Variants in BTBD8 observed in about 807,000 individuals in gnomAD.
BTBD8 encodes BTB/POZ domain-containing protein 8.
BTBD8 carries 110 observed loss-of-function variants against 162.9 expected under a neutral mutation model. The ratio of observed to expected loss-of-function variants is 0.68; its 90% CI spans 0.58 to 0.79. BTBD8 has a LOEUF of 0.79. Ranked by LOEUF, BTBD8 falls within the 30% of genes least tolerant of loss-of-function variation. The pLI, the probability that BTBD8 is intolerant of heterozygous loss-of-function variation, is 0.00. For missense variants in BTBD8, 1,905 were observed against 2,085.4 expected (o/e 0.91, Z 1.68); for synonymous variants, 667 against 716.1 (o/e 0.93, Z 1.10).
At position 92,167,680 on chromosome 1, in the gene BTBD8, T is replaced by TAAAAAC. The variant is rs372729750; in HGVS notation, c.1306-164_1306-163insACAAAA. Reference sequence around the variant, plus strand: ...TATAATAAAAATAAATAAATAAAAATAAAAGCTGCGTGCATATGCATATAT... The same window carrying TAAAAAC: ...TATAATAAAAATAAATAAATAAAAATAAAAACAAAAGCTGCGTGCATATGCATATAT... On this transcript the variant is annotated intron_variant, in intron 10 of 17. Coordinates refer to ENST00000636805, the MANE Select transcript of BTBD8 (RefSeq NM_001376131.1). Among the ~76,000 whole-genome samples the TAAAAAC allele has an allele frequency of 1.7e-3, 264 of 152,266 alleles. 2 individuals carry two copies. The highest frequency in any genetic ancestry group is 5.8e-3 in the African/African-American group (241 of 41,558).
rs1651026371 is a variant in BTBD8 at position 92,184,456 on chromosome 1, G to T, written c.*126G>T. 2 of 584,942 alleles carry T rather than the reference G, an allele frequency of 3.4e-6. No homozygotes were observed. Among genetic ancestry groups the T allele is most frequent in the East Asian group, 5.7e-5 (2 of 35,348 alleles). 36.2% of individuals were successfully genotyped at this position (584,942 alleles called of 1,614,324 possible). A position where few individuals can be genotyped will look rare whatever the true frequency, so the allele number is the denominator to read the frequency against. On this transcript the variant is annotated 3_prime_UTR_variant, in exon 18 of 18. Transcript: ENST00000636805. ...TATTGAGTCTTTCCAATTTAATGAG[G>T]TAAACATAGTTTATTTATTAATATA...
chr1:92,145,333 C>A (rs1358233580), intron 7 of BTBD8, among the ~76,000 whole-genome samples: 1 of 152,006 alleles, frequency 6.6e-6, no homozygotes, highest in Non-Finnish European at 1.5e-5. Context: ...AAATCAATAG[C>A]AATTCATAAA....
At chr1:92,160,693 G>A (rs898436899) in intron 9 of BTBD8, among the ~76,000 whole-genome samples, 4 of 151,950 alleles carry the variant, frequency 2.6e-5, no homozygotes, top group Admixed American at 6.6e-5. Flanking sequence ...AGTAGAAGGC[G>A]GGATTTGGGG....
intron 9 of BTBD8, among the ~76,000 whole-genome samples, chr1:92,151,101 C>A (rs766736956): frequency 6.6e-6 from 1 of 151,996 alleles, no homozygotes; most frequent in Non-Finnish European, 1.5e-5. Context: ...GCCTGTAATC[C>A]CAGCACTTTG....
intron 4 of BTBD8, among the ~76,000 whole-genome samples, chr1:92,124,934 T>A (rs1649313040): frequency 6.6e-6 from 1 of 152,132 alleles, no homozygotes; most frequent in Admixed American, 6.5e-5. Context: ...AAAATATTTT[T>A]AATTTAGAGT....
chr1:92,155,320 A>C (rs975357851), intron 9 of BTBD8, among the ~76,000 whole-genome samples: 3 of 152,192 alleles, frequency 2.0e-5, no homozygotes, highest in Non-Finnish European at 4.4e-5. Context: ...TAGAGATTGC[A>C]TTGTATCCAT....
intron 13 of BTBD8, 128 bp downstream of exon 13, chr1:92,171,588 T>G (rs1650548249): frequency 1.6e-6 from 1 of 607,114 alleles, no homozygotes; most frequent in Non-Finnish European, 2.6e-6. Context: ...AATGGAAAAT[T>G]TTTCTTTTTC....
intron 5 of BTBD8, among the ~76,000 whole-genome samples, chr1:92,132,575 C>A (rs1243513293): frequency 6.6e-6 from 1 of 152,158 alleles, no homozygotes; most frequent in African/African-American, 2.4e-5. Flanking sequence ...ACTTTAGTAG[C>A]TTGTTCAAGG....
At chr1:92,092,588 T>A (rs1557437260) in intron 2 of BTBD8, among the ~76,000 whole-genome samples, 1 of 152,188 alleles carries the variant, frequency 6.6e-6, no homozygotes, top group African/African-American at 2.4e-5. Flanking sequence ...TTGTTTAAGC[T>A]ACTCAGTCTA....
At position 92,181,417 on chromosome 1, in the gene BTBD8, G is replaced by A. The variant is rs1023727287; in HGVS notation, c.3734G>A (p.Arg1245Gln). The A allele has an allele frequency of 1.4e-5, 21 of 1,551,520 alleles. No individual in the cohort carries two copies. Among genetic ancestry groups the A allele is most frequent in the South Asian group, 2.4e-5 (2 of 84,060 alleles). Residue 1245 changes from arginine to glutamine, a missense_variant, in exon 17 of 18, where the codon CGA becomes CAA. Physicochemically the swap from Arg to Gln is conservative, Grantham distance 43. This residue lies in a region of BTBD8 where 14 missense variants were observed against 36.1 expected (regional missense o/e 0.39). Coordinates refer to ENST00000636805, the MANE Select transcript of BTBD8 (RefSeq NM_001376131.1). ...WNLSTGVLHQ[R>Q]ESPESDTGSA... ...TTGAGTACTGGTGTTCTGCATCAGC[G>A]AGAGAGTCCTGAATCTGACACTGGC...
chr1:92,097,256 C>T (rs1648477385), intron 2 of BTBD8, among the ~76,000 whole-genome samples: 1 of 152,060 alleles, frequency 6.6e-6, no homozygotes, highest in African/African-American at 2.4e-5. Flanking sequence ...CTTTCCTGAC[C>T]TGCCTTCACT....
At chr1:92,110,635 C>T (rs563169218) in intron 4 of BTBD8, among the ~76,000 whole-genome samples, 11 of 152,256 alleles carry the variant, frequency 7.2e-5, no homozygotes, top group East Asian at 3.9e-4. Flanking sequence ...CTCCGCCTCC[C>T]GGGTTCACAC....
At chr1:92,140,040 G>T (rs1463009401) in intron 6 of BTBD8, 1 of 150,658 alleles carries the variant, frequency 6.6e-6, no homozygotes, top group African/African-American at 2.5e-5. Flanking sequence ...AACCTGGGAG[G>T]TGAAGGTTGC....
chr1:92,084,028 C>T (rs1040282030), intron 1 of BTBD8, among the ~76,000 whole-genome samples: 14 of 152,156 alleles, frequency 9.2e-5, no homozygotes, highest in African/African-American at 2.7e-4. Flanking sequence ...GGGAGTTTGA[C>T]TAGCAGATTG....
chr1:92,129,494 A>G (rs1228196700), intron 4 of BTBD8, among the ~76,000 whole-genome samples, 193 bp from the exon 5 acceptor site: 1 of 152,104 alleles, frequency 6.6e-6, no homozygotes, highest in Non-Finnish European at 1.5e-5. Flanking sequence ...TCTTAAAACA[A>G]AAAACAAAAA....
chr1:92,093,150 C>T (rs1453885890), intron 2 of BTBD8, among the ~76,000 whole-genome samples: 1 of 150,330 alleles, frequency 6.7e-6, no homozygotes, highest in Non-Finnish European at 1.5e-5. Context: ...TTTTTCAGTA[C>T]AGGTTATATA....
intron 5 of BTBD8, among the ~76,000 whole-genome samples, chr1:92,135,382 A>G (rs945784959): frequency 1.3e-5 from 2 of 152,150 alleles, no homozygotes; most frequent in African/African-American, 4.8e-5. Context: ...ACAGGTTTTC[A>G]CCATGTTGGC....
Position 92,105,822 on chromosome 1 carries a change from C to T in BTBD8, c.545-2062C>T, listed in dbSNP as rs553562266. 3.3e-5 allele frequency among the ~76,000 whole-genome samples: 5 copies of T among 152,282 alleles called. No individual in the cohort carries two copies. In the South Asian group the frequency reaches 6.2e-4, roughly 19 times the overall value. On this transcript the variant is annotated intron_variant, in intron 3 of 17. Coordinates refer to ENST00000636805, the MANE Select transcript of BTBD8 (RefSeq NM_001376131.1). The stretch of plus-strand genomic sequence containing the variant: ...GGCCAGTGAGTATGTATAGACAGAA[C>T]ATGGAAGTAAAGTACAGAAATGGCT...
intron 2 of BTBD8, among the ~76,000 whole-genome samples, chr1:92,102,192 T>C (rs964121996): frequency 6.6e-6 from 1 of 151,952 alleles, no homozygotes; most frequent in Non-Finnish European, 1.5e-5. Context: ...AATTTTTGTA[T>C]TTTTTTATTA....
Sources: gnomAD v4.1 joint callset for allele counts (sites outside exome capture counted in the v4.1 genomes callset) on GRCh38, gnomAD v4.1.1 for gene constraint, gnomAD v4.1.1 regional missense constraint, MANE v1.5 for transcripts, NCBI Gene and HGNC (gene_info 2026-07-23, HGNC 2026-07-21) for gene names.